The following RANGAP1 variants were observed in gnomAD, a reference collection of about 807,000 sequenced individuals.
RANGAP1 encodes Ran GTPase activating protein 1.
In RANGAP1, 38 loss-of-function variants were observed where a neutral mutation model predicts 63.5. The observed-to-expected ratio is 0.60, with a 90% CI of 0.46 to 0.78. The LOEUF is 0.78. Among genes scored for constraint, RANGAP1 ranks in the 30% least tolerant of loss-of-function variants. The pLI is 0.00. For missense variants in RANGAP1, 630 were observed against 740.3 expected, an observed-to-expected ratio of 0.85 and a Z score of 1.73; for synonymous variants, 329 against 310.5, an observed-to-expected ratio of 1.06 and a Z score of -0.63.
At chr22:41,254,800 G>A (rs902520532) in intron 10 of RANGAP1, 7 of 268,244 alleles carry the variant, frequency 2.6e-5, no homozygotes, top group South Asian at 1.4e-4. Flanking sequence ...GTGAAACCCC[G>A]TCTCTACTAA....
chr22:41,296,951 C>T, the RANGAP1 span, among the ~76,000 whole-genome samples: 1 of 152,318 alleles, frequency 6.6e-6, no homozygotes, highest in South Asian at 2.1e-4. Context: ...TGGCTCAGGC[C>T]TATAATCCTA....
chr22:41,249,098 G>A (rs1284495436), intron 15 of RANGAP1, among the ~76,000 whole-genome samples: 5 of 152,246 alleles, frequency 3.3e-5, no homozygotes. Flanking sequence ...CTCTCTCACT[G>A]TCCCTGAGCC....
At chr22:41,253,180 A>G in intron 11 of RANGAP1, 189 bp from the exon 12 acceptor site, 10 of 593,872 alleles carry the variant, frequency 1.7e-5, no homozygotes, top group Non-Finnish European at 1.9e-5. Context: ...CTGGCCCTGG[A>G]TGGCTCTTGG....
the RANGAP1 span, among the ~76,000 whole-genome samples, chr22:41,293,706 G>C: frequency 6.8e-6 from 1 of 147,760 alleles, no homozygotes; most frequent in Non-Finnish European, 1.5e-5. Context: ...GAGAACCCGG[G>C]AGGCAGAGCT....
intron 1 of RANGAP1, chr22:41,281,703 C>T (rs750117988): frequency 6.5e-6 from 6 of 916,440 alleles, no homozygotes; most frequent in Non-Finnish European, 7.8e-6. Context: ...CAACAGCTAC[C>T]ATCATAATAG....
chr22:41,279,899 A>G (rs867357979), intron 2 of RANGAP1, among the ~76,000 whole-genome samples: 1 of 151,728 alleles, frequency 6.6e-6, no homozygotes, highest in Non-Finnish European at 1.5e-5. Context: ...GGAGTTCGAG[A>G]GCATCCTGAC....
rs1363360651 is a variant in RANGAP1 at position 41,251,091 on chromosome 22, C to T, written c.1399G>A (p.Glu467Lys). Residue 467 changes from glutamate (E) to lysine (K), a missense_variant, in exon 13 of 16, where the codon GAG (glutamate) becomes AAG (lysine). Glu to Lys is a moderately conservative substitution (Grantham distance 56). Transcript: ENST00000356244. ...TTTAGGAAGGCAGAGACCACCTTCTCGGGGTCAGACGTGTCAGTCTGAGGA... is the reference window on the plus strand; with the variant it reads ...TTTAGGAAGGCAGAGACCACCTTCTTGGGGTCAGACGTGTCAGTCTGAGGA... ...IAQQTDTSDP[E>K]KVVSAFLKVS... 6.8e-6 allele frequency: 11 copies of T among 1,613,876 alleles called. No individual in the cohort carries two copies. The highest frequency in any genetic ancestry group is 2.2e-5 in the East Asian group (1 of 44,886).
intron 3 of RANGAP1, among the ~76,000 whole-genome samples, chr22:41,273,766 CAAAAAAAAAA>C (rs71200678): frequency 3.1e-3 from 75 of 24,354 alleles, no homozygotes; most frequent in African/African-American, 9.7e-3. Context: ...GACTCCATCT[CAAAAAAAAAA>C]AAAAAAAAAA....
At position 41,264,644 on chromosome 22, in the gene RANGAP1, G is replaced by A. The variant is rs764412984; in HGVS notation, c.480+20C>T. 3.1e-6 allele frequency: 5 copies of A among 1,604,560 alleles called. No homozygotes were observed. In the East Asian group the frequency reaches 1.1e-4, roughly 36 times the overall value. On this transcript the variant is annotated intron_variant, in intron 5 of 15. Transcript: ENST00000356244. ...TGGATGGACCAGGGGACTCTGCGGGGAGGGGGCTGCCACACCCACCTTGCC... is the reference window on the plus strand; with the variant it reads ...TGGATGGACCAGGGGACTCTGCGGGAAGGGGGCTGCCACACCCACCTTGCC...
the RANGAP1 span, among the ~76,000 whole-genome samples, chr22:41,295,284 A>G: frequency 1.3e-5 from 2 of 151,628 alleles, no homozygotes; most frequent in East Asian, 1.9e-4. Context: ...AAAGATTGAG[A>G]AATCGGATGG....
the RANGAP1 span, among the ~76,000 whole-genome samples, chr22:41,298,245 C>T: frequency 3.9e-5 from 6 of 152,164 alleles, no homozygotes; most frequent in Non-Finnish European, 8.8e-5. Context: ...TCGTGACCCA[C>T]CCGCCTTGGC....
chr22:41,268,066 C>T (rs996605771), intron 4 of RANGAP1, 31 bp downstream of exon 4: 9 of 1,502,706 alleles, frequency 6.0e-6, no homozygotes, highest in Non-Finnish European at 7.3e-6. Flanking sequence ...GGGCCTTGCG[C>T]GTGGAGGGGA....
chr22:41,291,946 G>T, the RANGAP1 span, among the ~76,000 whole-genome samples: 1 of 150,972 alleles, frequency 6.6e-6, no homozygotes, highest in Admixed American at 6.6e-5. Flanking sequence ...TTTTTTGGTG[G>T]AGTCTCACTC....
At chr22:41,259,129 T>C (rs1460219329) in intron 6 of RANGAP1, among the ~76,000 whole-genome samples, 1 of 151,948 alleles carries the variant, frequency 6.6e-6, no homozygotes, top group Non-Finnish European at 1.5e-5. Flanking sequence ...CCTGCCTACA[T>C]TCAAAGCCTA....
chr22:41,289,206 GAGCCA>G (rs1424810058), upstream of RANGAP1, among the ~76,000 whole-genome samples: 3 of 151,958 alleles, frequency 2.0e-5, no homozygotes, highest in Admixed American at 6.6e-5. Flanking sequence ...GTACAGGCGT[GAGCCA>G]CTGTGGCCGG....
chr22:41,249,628 T>C, intron 14 of RANGAP1, 101 bp downstream of exon 14: 1 of 1,531,456 alleles, frequency 6.5e-7, no homozygotes, highest in Non-Finnish European at 9.0e-7. Flanking sequence ...GCGAGCCGGC[T>C]CAGGACTCGA....
chr22:41,247,466 C>T (rs1251762697), intron 15 of RANGAP1, among the ~76,000 whole-genome samples: 1 of 152,164 alleles, frequency 6.6e-6, no homozygotes, highest in East Asian at 1.9e-4. Context: ...GTCCTCCTAC[C>T]TCATCCTCCC....
At position 41,257,803 on chromosome 22, in the gene RANGAP1, A is replaced by C. The variant is rs1003405518; in HGVS notation, c.774+145T>G. Reference sequence around the variant, plus strand: ...CTGCAACCCTGTTCAGGACATGTTCAAAGAGCTGGAGCCATGGGGCACACA... The same window carrying C: ...CTGCAACCCTGTTCAGGACATGTTCCAAGAGCTGGAGCCATGGGGCACACA... On this transcript the variant is annotated intron_variant, in intron 7 of 15. Coordinates refer to ENST00000356244, the MANE Select transcript of RANGAP1 (RefSeq NM_002883.4). The surrounding 1 kb of genome is among the most constrained non-coding windows in gnomAD (Gnocchi z 4.0). 3.9e-6 allele frequency: 4 copies of C among 1,032,118 alleles called. No individual in the cohort carries two copies. Among genetic ancestry groups the C allele is most frequent in the Non-Finnish European group, 5.4e-6 (4 of 741,678 alleles). 63.9% of individuals were successfully genotyped at this position (1,032,118 alleles called of 1,614,324 possible). A position where few individuals can be genotyped will look rare whatever the true frequency, so the allele number is the denominator to read the frequency against.
chr22:41,267,117 G>A (rs577566187), intron 4 of RANGAP1, among the ~76,000 whole-genome samples: 84 of 149,540 alleles, frequency 5.6e-4, no homozygotes, highest in African/African-American at 2.0e-3. Flanking sequence ...GACCTCAAGC[G>A]ATCTGCCCGC....
Sources: gnomAD v4.1 joint callset for allele counts (sites outside exome capture counted in the v4.1 genomes callset) on GRCh38, gnomAD v4.1.1 for gene constraint, Gnocchi (gnomAD v3.1) non-coding constraint, MANE v1.5 for transcripts, NCBI Gene and HGNC (gene_info 2026-07-23, HGNC 2026-07-21) for gene names.